The following MSH5 variants were observed in gnomAD, a reference collection of about 807,000 sequenced individuals.
MSH5 encodes the protein mutS homolog 5.
In MSH5, 78 loss-of-function variants were observed where a neutral mutation model predicts 107.7. The observed-to-expected ratio is 0.72, with a 90% CI of 0.60 to 0.87. The LOEUF is 0.87. Ranked by LOEUF, MSH5 falls within the 40% of genes least tolerant of loss-of-function variation. The probability of loss-of-function intolerance (pLI) is 0.00; values close to 1 mark genes in which losing one functional copy is unlikely to be tolerated. For synonymous variants in MSH5, 326 were observed against 399.5 expected (o/e 0.82, Z 2.19); for missense variants, 889 against 1,046.6 (o/e 0.85, Z 2.08).
At chr6:31,751,891 G>A (rs1307846164) in intron 10 of MSH5, among the ~76,000 whole-genome samples, 1 of 151,904 alleles carries the variant, frequency 6.6e-6, no homozygotes, top group South Asian at 2.1e-4. Context: ...CTGAGGTCAC[G>A]ATTTTGAGAC....
chr6:31,745,617 A>C (rs562563834), intron 9 of MSH5, among the ~76,000 whole-genome samples: 1 of 152,018 alleles, frequency 6.6e-6, no homozygotes, highest in East Asian at 1.9e-4. Context: ...ACTTTGGGAG[A>C]CCTTGTGTAT....
intron 10 of MSH5, among the ~76,000 whole-genome samples, chr6:31,749,720 T>G (rs1460467776): frequency 1.3e-5 from 2 of 152,150 alleles, no homozygotes; most frequent in Non-Finnish European, 2.9e-5. Flanking sequence ...TCTGCTTGCC[T>G]CCATAGCTAT....
In MSH5 at chr6:31,758,914, T is replaced by C. The variant is rs776066448; in HGVS notation, c.1326+39T>C. ...AGTGGGTGTAGCCTTCAGATGTCTT[T>C]TGGGGGAGATATTAGGCTTATGAAA... On this transcript the variant is annotated intron_variant, in intron 15 of 24. Transcript: ENST00000375750. This position sits in a 1 kb window ranked among gnomAD's most constrained non-coding sequence, Gnocchi z 5.1. 5 of 1,555,636 alleles carry C rather than the reference T, an allele frequency of 3.2e-6. No individual in the cohort carries two copies. The highest frequency in any genetic ancestry group is 4.4e-6 in the Non-Finnish European group (5 of 1,127,308).
In MSH5 at chr6:31,760,921, A is replaced by G; in HGVS notation, c.1962+82A>G. On this transcript the variant is annotated intron_variant, in intron 20 of 24. Coordinates refer to ENST00000375750, the MANE Select transcript of MSH5 (RefSeq NM_172166.4). The surrounding 1 kb of genome is among the most constrained non-coding windows in gnomAD (Gnocchi z 5.6). ...CTGAAAATGCTCATAACAGGAAAGCATGCCCTCTGCTGCATGCCCTTTATA... is the reference window on the plus strand; with the variant it reads ...CTGAAAATGCTCATAACAGGAAAGCGTGCCCTCTGCTGCATGCCCTTTATA... The G allele has an allele frequency of 6.8e-7, 1 of 1,479,858 alleles. No homozygotes were observed. 91.7% of individuals were successfully genotyped at this position (1,479,858 alleles called of 1,614,324 possible). A position where few individuals can be genotyped will look rare whatever the true frequency, so the allele number is the denominator to read the frequency against.
chr6:31,762,498 G>A lies in MSH5; in HGVS notation c.2472G>A (p.Gln824=). 6.2e-7 allele frequency: 1 copy of A among 1,614,052 alleles called. No individual in the cohort carries two copies. Among genetic ancestry groups the A allele is most frequent in the Non-Finnish European group, 8.5e-7 (1 of 1,179,958 alleles). Residue 824 remains glutamine, a synonymous_variant, in exon 25 of 25, where the codon CAG becomes CAA. Transcript: ENST00000375750. ...TGGACTTGAACGTTTTCATGAGCCA[G>A]GAAGTGCTGCCTGCTGCCACCAGCA... ...PNLDLNVFMS[Q]EVLPAATSIL
At chr6:31,748,916 CTTTTTT>C (rs9279407) in intron 10 of MSH5, among the ~76,000 whole-genome samples, 1 of 109,514 alleles carries the variant, frequency 9.1e-6, no homozygotes, top group Non-Finnish European at 1.9e-5. Context: ...TCTGGAAAGT[CTTTTTT>C]TTTTTTTTTT....
rs1317545326 is a variant in MSH5 at position 31,745,237 on chromosome 6, T to C, written c.684T>C (p.Ser228=). The C allele has an allele frequency of 6.2e-7, 1 of 1,607,468 alleles. No individual in the cohort carries two copies. The highest frequency in any genetic ancestry group is 1.3e-5 in the African/African-American group (1 of 74,860). Residue 228 remains serine, a splice_region_variant and synonymous_variant, in exon 9 of 25, where the codon AGT becomes AGC. Transcript: ENST00000375750. ...HLVNIDQDTY[S]VLQIFKSESH... is the part of the protein sequence containing the mutation. ...AAACTCCTCCATTTCTCCTCGACAG[T>C]GTTCTACAGATTTTTAAGAGTGAGT...
intron 5 of MSH5, 35 bp from the exon 6 acceptor site, chr6:31,743,869 C>T: frequency 6.2e-7 from 1 of 1,608,260 alleles, no homozygotes; most frequent in East Asian, 2.2e-5. Context: ...AATTGAGCTA[C>T]AAGACCGTTC....
chr6:31,742,892 A>C lies in MSH5; in HGVS notation c.287A>C (p.Asn96Thr). Residue 96 changes from asparagine (N) to threonine (T), a missense_variant, in exon 4 of 25, where the codon AAT (asparagine) becomes ACT (threonine). Around this residue, in one of 3 missense-constraint regions of MSH5, gnomAD observed 518 missense variants for 565.0 expected, o/e 0.92. Transcript: ENST00000375750. ...KLLQRVLDEINPQSVVTSAKQ... is the reference protein window; with the variant it reads ...KLLQRVLDEITPQSVVTSAKQ... ...TCCTTCCAAGTTCTGGATGAGATCAATCCCCAGTCTGTTGTTACGAGTGCC... is the reference window on the plus strand; with the variant it reads ...TCCTTCCAAGTTCTGGATGAGATCACTCCCCAGTCTGTTGTTACGAGTGCC... The C allele has an allele frequency of 6.2e-7, 1 of 1,613,042 alleles. No individual in the cohort carries two copies. The highest frequency in any genetic ancestry group is 1.1e-5 in the South Asian group (1 of 91,082).
In MSH5 at chr6:31,759,047, A is replaced by T; in HGVS notation, c.1327-50A>T. ...CTCCCTCTAGGGTGGGGAGGTGTCC[A>T]GTAAGTCTCCAAGCAGGAGAGTAGA... On this transcript the variant is annotated intron_variant, in intron 15 of 24. Transcript: ENST00000375750. This position sits in a 1 kb window ranked among gnomAD's most constrained non-coding sequence, Gnocchi z 4.7. 1 of 1,553,700 alleles carries T rather than the reference A, an allele frequency of 6.4e-7. No homozygotes were observed. The highest frequency in any genetic ancestry group is 1.4e-5 in the African/African-American group (1 of 73,828).
chr6:31,758,600 T>G lies in MSH5; in HGVS notation c.1196T>G (p.Ile399Arg). The change falls in exon 14 of 25, where the codon ATA (isoleucine) becomes AGA (arginine). Residue 399 changes from isoleucine (I) to arginine (R), a missense_variant. Coordinates refer to ENST00000375750, the MANE Select transcript of MSH5 (RefSeq NM_172166.4). The surrounding 1 kb of genome is among the most constrained non-coding windows in gnomAD (Gnocchi z 5.1). ...AATCGCTTCACAGTCCTCCCCAACA[T>G]AGATCCTGAAATTGATGAGAGTGAG... is the stretch of plus-strand genomic sequence containing the variant. ...AENRFTVLPN[I>R]DPEIDEKKRR... 1 of 1,613,964 alleles carries G rather than the reference T, an allele frequency of 6.2e-7. No individual in the cohort carries two copies.
Position 31,759,175 on chromosome 6 carries a change from A to G in MSH5, c.1405A>G (p.Met469Val), listed in dbSNP as rs1007207158. ...SDFEINGLDF[M>V]FLSEEKLHYR... Reference sequence around the variant, plus strand: ...CTTTGAGATTAATGGACTGGACTTCATGGTAAGACCCTCAACCTCTGTAAG... The same window carrying G: ...CTTTGAGATTAATGGACTGGACTTCGTGGTAAGACCCTCAACCTCTGTAAG... Residue 469 changes from methionine to valine, a missense_variant and splice_region_variant, in exon 16 of 25, where the codon ATG (methionine) becomes GTG (valine). Physicochemically the swap from Met to Val is conservative, Grantham distance 21 (BLOSUM62 1). Coordinates refer to ENST00000375750, the MANE Select transcript of MSH5 (RefSeq NM_172166.4). The surrounding 1 kb of genome is among the most constrained non-coding windows in gnomAD (Gnocchi z 4.7). 14 of 1,612,480 alleles carry G rather than the reference A, an allele frequency of 8.7e-6. No homozygotes were observed. The highest frequency in any genetic ancestry group is 8.3e-5 in the Admixed American group (5 of 59,994).
At position 31,760,584 on chromosome 6, in the gene MSH5, GT is replaced by G. The variant is rs1810901038; in HGVS notation, c.1813-103del. On this transcript the variant is annotated intron_variant, in intron 19 of 24. Transcript: ENST00000375750. The surrounding 1 kb of genome is among the most constrained non-coding windows in gnomAD (Gnocchi z 5.6). ...AGTGTGTCTGTTACCTATTTCTCCTGTTTCACCCTGTCCATTTCTCTTTGAT... is the reference window on the plus strand; with the variant it reads ...AGTGTGTCTGTTACCTATTTCTCCTGTTCACCCTGTCCATTTCTCTTTGAT... The G allele has an allele frequency of 1.4e-6, 2 of 1,437,944 alleles. No individual in the cohort carries two copies. Among genetic ancestry groups the G allele is most frequent in the South Asian group, 2.3e-5 (2 of 87,302 alleles). 89.1% of individuals were successfully genotyped at this position (1,437,944 alleles called of 1,614,324 possible).
chr6:31,759,893 C>T lies in MSH5; in HGVS notation c.1603C>T (p.Leu535Phe). 6.2e-7 allele frequency: 1 copy of T among 1,614,210 alleles called. No individual in the cohort carries two copies. The highest frequency in any genetic ancestry group is 8.5e-7 in the Non-Finnish European group (1 of 1,180,036). The part of the protein sequence containing the change: ...LASRLDVLLA[L>F]ASAARDYGYS... ...CTCCCGCCTGGACGTCCTGCTGGCT[C>T]TTGCCAGTGCTGCCCGGGACTATGG... Residue 535 changes from leucine to phenylalanine, a missense_variant, in exon 18 of 25, where the codon CTT becomes TTT. Physicochemically the swap from Leu to Phe is conservative, Grantham distance 22 (BLOSUM62 0). Transcript: ENST00000375750. This position sits in a 1 kb window ranked among gnomAD's most constrained non-coding sequence, Gnocchi z 4.7.
At position 31,760,264 on chromosome 6, in the gene MSH5, C is replaced by T; in HGVS notation, c.1812+48C>T. On this transcript the variant is annotated intron_variant, in intron 19 of 24. Transcript: ENST00000375750. The surrounding 1 kb of genome is among the most constrained non-coding windows in gnomAD (Gnocchi z 5.6). ...GGGCCTCTGGCGTCTCCTGCATCTA[C>T]TCCACCCCTACTTGCCAGCCAACTC... 1.3e-6 allele frequency: 2 copies of T among 1,527,236 alleles called. No individual in the cohort carries two copies. Among genetic ancestry groups the T allele is most frequent in the African/African-American group, 1.4e-5 (1 of 72,130 alleles). 94.6% of individuals were successfully genotyped at this position (1,527,236 alleles called of 1,614,324 possible).
rs925245386 is a variant in MSH5, at chr6:31,759,652, C to CT, written c.1496-133dup. ...GCTCTCTGTCTCGCTCACTCTGACTCTATCTTTTCCTCTGAATGTCTTGAG... is the reference window on the plus strand; with the variant it reads ...GCTCTCTGTCTCGCTCACTCTGACTCTTATCTTTTCCTCTGAATGTCTTGAG... On this transcript the variant is annotated intron_variant, in intron 17 of 24. Transcript: ENST00000375750. This position sits in a 1 kb window ranked among gnomAD's most constrained non-coding sequence, Gnocchi z 4.7. The CT allele has an allele frequency of 9.6e-6, 13 of 1,350,264 alleles. No homozygotes were observed. In the African/African-American group the frequency reaches 1.0e-4, roughly 10 times the overall value. 83.6% of individuals were successfully genotyped at this position (1,350,264 alleles called of 1,614,324 possible).
Position 31,759,497 on chromosome 6 carries a change from C to A in MSH5, c.1480C>A (p.His494Asn). The change falls in exon 17 of 25, where the codon CAC (histidine) becomes AAC (asparagine). Residue 494 changes from histidine (H) to asparagine (N), a missense_variant. This residue lies in a region of MSH5 where 362 missense variants were observed against 456.2 expected (regional missense o/e 0.79). Coordinates refer to ENST00000375750, the MANE Select transcript of MSH5 (RefSeq NM_172166.4). The surrounding 1 kb of genome is among the most constrained non-coding windows in gnomAD (Gnocchi z 4.7). ...GCTGGATGCATTGCTGGGGGACCTG[C>A]ACTGCGAGATCCGGGGTGAGGAAAA... is the stretch of plus-strand genomic sequence containing the variant. ...KELDALLGDL[H>N]CEIRDQETLL... 1 of 1,612,566 alleles carries A rather than the reference C, an allele frequency of 6.2e-7. No individual in the cohort carries two copies. Among genetic ancestry groups the A allele is most frequent in the Non-Finnish European group, 8.5e-7 (1 of 1,179,988 alleles).
At chr6:31,756,165 C>T (rs959196100) in intron 12 of MSH5, among the ~76,000 whole-genome samples, 4 of 151,378 alleles carry the variant, frequency 2.6e-5, no homozygotes, top group African/African-American at 4.9e-5. Context: ...ATCTATTATT[C>T]ATTTATTTAT....
At position 31,759,472 on chromosome 6, in the gene MSH5, G is replaced by A; in HGVS notation, c.1455G>A (p.Glu485=). ...KLHYRSARTK[E]LDALLGDLHC... is the part of the protein sequence containing the mutation. ...ACTATCGTAGTGCCCGAACCAAGGAGCTGGATGCATTGCTGGGGGACCTGC... is the reference window on the plus strand; with the variant it reads ...ACTATCGTAGTGCCCGAACCAAGGAACTGGATGCATTGCTGGGGGACCTGC... The change falls in exon 17 of 25, where the codon GAG becomes GAA. Residue 485 remains glutamate (E), a synonymous_variant. Coordinates refer to ENST00000375750, the MANE Select transcript of MSH5 (RefSeq NM_172166.4). This position sits in a 1 kb window ranked among gnomAD's most constrained non-coding sequence, Gnocchi z 4.7. The A allele has an allele frequency of 6.2e-7, 1 of 1,612,782 alleles. No individual in the cohort carries two copies.
Sources: allele counts gnomAD v4.1 joint callset (sites outside exome capture counted in the v4.1 genomes callset), GRCh38; gene constraint gnomAD v4.1.1; regional missense constraint gnomAD v4.1.1; non-coding constraint Gnocchi (gnomAD v3.1); transcripts MANE v1.5; gene names NCBI Gene and HGNC (gene_info 2026-07-23, HGNC 2026-07-21).